Variants in ZFPM2 observed in about 807,000 individuals in gnomAD.
ZFPM2 encodes the protein zinc finger protein, FOG family member 2.
A neutral mutation model predicts 98.6 loss-of-function variants in ZFPM2; 20 were observed. The ratio of observed to expected loss-of-function variants is 0.20; its 90% CI spans 0.14 to 0.29. The LOEUF is 0.29. Ranked by LOEUF, ZFPM2 falls within the 10% of genes least tolerant of loss-of-function variation. The probability of loss-of-function intolerance (pLI) is 1.00; values close to 1 mark genes in which losing one functional copy is unlikely to be tolerated. For synonymous variants in ZFPM2, 518 were observed against 502.7 expected, an observed-to-expected ratio of 1.03 and a Z score of -0.41; for missense variants, 1,310 against 1,388.6, an observed-to-expected ratio of 0.94 and a Z score of 0.90.
intron 3 of ZFPM2, among the ~76,000 whole-genome samples, chr8:105,515,898 G>GA (rs1173610569): frequency 2.2e-5 from 3 of 133,534 alleles, no homozygotes; most frequent in African/African-American, 5.4e-5. Flanking sequence ...GTGCAAGAAA[G>GA]AAAAAACAAC....
At chr8:105,646,451 T>G (rs1032888945) in intron 5 of ZFPM2, among the ~76,000 whole-genome samples, 3 of 152,170 alleles carry the variant, frequency 2.0e-5, no homozygotes, top group Non-Finnish European at 4.4e-5. Context: ...TCTGACCTCC[T>G]ATCCTGTCAT....
At chr8:105,623,529 C>T (rs1468423570) in intron 4 of ZFPM2, among the ~76,000 whole-genome samples, 1 of 152,110 alleles carries the variant, frequency 6.6e-6, no homozygotes, top group Non-Finnish European at 1.5e-5. Context: ...CAGAATTGCC[C>T]TCTTTTTTGG....
intron 3 of ZFPM2, among the ~76,000 whole-genome samples, chr8:105,555,690 C>T (rs143029494): frequency 1.3e-5 from 2 of 152,116 alleles, no homozygotes; most frequent in African/African-American, 4.8e-5. Context: ...TAATTTAATG[C>T]AAAACTGTAT....
chr8:105,319,659 C>G (rs1333582100), intron 1 of ZFPM2: 2 of 152,378 alleles, frequency 1.3e-5, no homozygotes, highest in Admixed American at 6.5e-5. Flanking sequence ...GCCGCCAGGA[C>G]GCTCAGCCGA....
intron 1 of ZFPM2, among the ~76,000 whole-genome samples, chr8:105,416,119 A>G (rs1811675347): frequency 6.6e-6 from 1 of 151,938 alleles, no homozygotes; most frequent in Admixed American, 6.6e-5. Flanking sequence ...AAAAACCTTG[A>G]TAAATAAAAG....
chr8:105,760,010 G>A (rs533100180), intron 5 of ZFPM2, among the ~76,000 whole-genome samples: 3 of 152,048 alleles, frequency 2.0e-5, no homozygotes, highest in East Asian at 1.9e-4. Flanking sequence ...GAGGTCAGCC[G>A]ATGAGTGGAT....
chr8:105,785,135 A>G (rs1383806288), intron 5 of ZFPM2: 5 of 152,136 alleles, frequency 3.3e-5, no homozygotes, highest in Non-Finnish European at 7.3e-5. Flanking sequence ...GAGAGCATCC[A>G]TGGTCAATTA....
At chr8:105,772,008 C>T (rs1812987297) in intron 5 of ZFPM2, among the ~76,000 whole-genome samples, 1 of 141,426 alleles carries the variant, frequency 7.1e-6, no homozygotes, top group Admixed American at 7.0e-5. Context: ...TTAAGTGGTC[C>T]TCACAAGTGA....
chr8:105,633,337 A>G (rs1425004691), intron 4 of ZFPM2, among the ~76,000 whole-genome samples: 1 of 152,184 alleles, frequency 6.6e-6, no homozygotes, highest in Non-Finnish European at 1.5e-5. Flanking sequence ...GATGTTTGAT[A>G]TACAGAACAT....
At chr8:105,417,141 C>T (rs1811694240) in intron 1 of ZFPM2, among the ~76,000 whole-genome samples, 1 of 151,730 alleles carries the variant, frequency 6.6e-6, no homozygotes, top group African/African-American at 2.4e-5. Context: ...TGAGCCAGAC[C>T]ATTTCTCAAA....
chr8:105,326,263 G>T (rs1227881042), intron 1 of ZFPM2, among the ~76,000 whole-genome samples: 2 of 151,626 alleles, frequency 1.3e-5, no homozygotes, highest in Non-Finnish European at 3.0e-5. Context: ...CTATTTTGCA[G>T]CTATTCCTCA....
At chr8:105,503,077 A>G (rs923132037) in intron 3 of ZFPM2, among the ~76,000 whole-genome samples, 8 of 152,198 alleles carry the variant, frequency 5.3e-5, no homozygotes, top group African/African-American at 1.9e-4. Flanking sequence ...GCACATCTAA[A>G]AGGTGACAGT....
At chr8:105,416,773 C>G (rs1811687476) in intron 1 of ZFPM2, among the ~76,000 whole-genome samples, 1 of 151,812 alleles carries the variant, frequency 6.6e-6, no homozygotes, top group African/African-American at 2.4e-5. Context: ...ATCTTTCTGA[C>G]TTTGGGGAGG....
intron 2 of ZFPM2, among the ~76,000 whole-genome samples, chr8:105,435,486 T>C (rs1184534879): frequency 6.6e-6 from 1 of 152,198 alleles, no homozygotes; most frequent in Non-Finnish European, 1.5e-5. Context: ...CCTAGCTCTT[T>C]CTGTAATTCT....
chr8:105,531,195 C>T (rs1444409133), intron 3 of ZFPM2, among the ~76,000 whole-genome samples: 2 of 152,106 alleles, frequency 1.3e-5, no homozygotes, highest in Non-Finnish European at 2.9e-5. Flanking sequence ...TAATTGTCCT[C>T]TTGTATTAGT....
Position 105,647,821 on chromosome 8 carries a change from AGC to A in ZFPM2, c.532+13465_532+13466del, listed in dbSNP as rs1817081034. On this transcript the variant is annotated intron_variant, in intron 5 of 7. Coordinates refer to ENST00000407775, the MANE Select transcript of ZFPM2 (RefSeq NM_012082.4). ...GTTCCAACTCTTTGCTGTTGTGAATAGCACCACAATAAATATACGTGTGCATG... is the reference window on the plus strand; with the variant it reads ...GTTCCAACTCTTTGCTGTTGTGAATAACCACAATAAATATACGTGTGCATG... Among the ~76,000 whole-genome samples the A allele has an allele frequency of 2.0e-5, 3 of 152,302 alleles. No homozygotes were observed. The South Asian group carries it at 6.2e-4, about 32-fold the overall frequency.
intron 4 of ZFPM2, among the ~76,000 whole-genome samples, chr8:105,590,787 G>C (rs1294971889): frequency 4.9e-5 from 7 of 143,190 alleles, no homozygotes; most frequent in Admixed American, 2.1e-4. Flanking sequence ...CACACACACA[G>C]AGTCAGTGGA....
intron 3 of ZFPM2, among the ~76,000 whole-genome samples, chr8:105,549,918 T>G (rs534404942): frequency 6.8e-6 from 1 of 146,808 alleles, no homozygotes; most frequent in East Asian, 2.0e-4. Context: ...CCAGCCTAAA[T>G]GTATCATTTC....
At chr8:105,607,663 G>A (rs567219785) in intron 4 of ZFPM2, among the ~76,000 whole-genome samples, 3 of 151,862 alleles carry the variant, frequency 2.0e-5, no homozygotes, top group South Asian at 4.2e-4. Flanking sequence ...CCTTCTACCA[G>A]GTAATCAGTA....
Sources: allele counts gnomAD v4.1 joint callset (sites outside exome capture counted in the v4.1 genomes callset), GRCh38; gene constraint gnomAD v4.1.1; transcripts MANE v1.5; gene names NCBI Gene and HGNC (gene_info 2026-07-23, HGNC 2026-07-21).